DNM3: variants seen among roughly 807,000 people sequenced by gnomAD.
DNM3 encodes the protein dynamin 3.
In DNM3, 47 loss-of-function variants were observed where a neutral mutation model predicts 101.6. The ratio of observed to expected loss-of-function variants is 0.46; its 90% confidence interval spans 0.37 to 0.59. The LOEUF (loss-of-function observed/expected upper bound fraction) is 0.59, where lower values mean the gene tolerates loss of function less well. DNM3 is among the 20% of genes least tolerant of loss of function. The probability of loss-of-function intolerance (pLI) is 0.00; values close to 1 mark genes in which losing one functional copy is unlikely to be tolerated. For synonymous variants in DNM3, 385 were observed against 387.9 expected, an observed-to-expected ratio of 0.99 and a Z score of 0.09; for missense variants, 849 against 1,085.7, an observed-to-expected ratio of 0.78 and a Z score of 3.06.
chr1:172,049,160 C>A (rs1345199610), intron 10 of DNM3, among the ~76,000 whole-genome samples: 3 of 152,114 alleles, frequency 2.0e-5, no homozygotes, highest in Admixed American at 2.0e-4. Flanking sequence ...CCACTTGAGT[C>A]TGGCTGTTCT....
At chr1:172,019,720 G>C (rs549348983) in intron 4 of DNM3, among the ~76,000 whole-genome samples, 1 of 151,696 alleles carries the variant, frequency 6.6e-6, no homozygotes, top group East Asian at 1.9e-4. Flanking sequence ...CTCAAGCTTG[G>C]TGATTGTTTC....
chr1:172,287,629 A>G (rs1284019456), intron 15 of DNM3, among the ~76,000 whole-genome samples: 5 of 152,120 alleles, frequency 3.3e-5, no homozygotes, highest in African/African-American at 1.2e-4. Context: ...TCAAATATCA[A>G]ATCAACTGAG....
chr1:172,415,663 AG>A (rs1227761631), downstream of DNM3, among the ~76,000 whole-genome samples: 7 of 150,786 alleles, frequency 4.6e-5, no homozygotes, highest in African/African-American at 1.7e-4. Flanking sequence ...CCCAGTAGCT[AG>A]GATTACAGGC....
At chr1:172,145,345 T>TCC (rs1315327619) in intron 14 of DNM3, among the ~76,000 whole-genome samples, 5 of 150,342 alleles carry the variant, frequency 3.3e-5, no homozygotes, top group East Asian at 2.0e-4. Flanking sequence ...TCTCTCTCTC[T>TCC]CCCCCTCTTC....
At chr1:172,119,430 G>A (rs376840453) in intron 13 of DNM3, among the ~76,000 whole-genome samples, 16 of 151,592 alleles carry the variant, frequency 1.1e-4, no homozygotes, top group East Asian at 3.9e-4. Context: ...CAATCCTTTC[G>A]CCTTATTGAG....
At chr1:172,294,572 T>C (rs984181710) in intron 15 of DNM3, among the ~76,000 whole-genome samples, 1 of 152,144 alleles carries the variant, frequency 6.6e-6, no homozygotes, top group African/African-American at 2.4e-5. Context: ...CTACCAACTT[T>C]ACAGGATTGC....
At position 171,998,851 on chromosome 1, in the gene DNM3, G is replaced by A. The variant is rs117178514; in HGVS notation, c.589+9703G>A. Reference sequence around the variant, plus strand: ...GAAGAAGAGTGTTCCAGGCAAAGGGGACAGTAAGCACAAAGGAATGAGAGT... The same window carrying A: ...GAAGAAGAGTGTTCCAGGCAAAGGGAACAGTAAGCACAAAGGAATGAGAGT... On this transcript the variant is annotated intron_variant, in intron 4 of 20. Transcript: ENST00000627582. 3.4e-4 allele frequency among the ~76,000 whole-genome samples: 52 copies of A among 152,170 alleles called. No homozygotes were observed. The East Asian group carries it at 6.0e-3, about 18-fold the overall frequency.
At chr1:172,307,227 G>T (rs557585966) in intron 15 of DNM3, among the ~76,000 whole-genome samples, 4 of 152,284 alleles carry the variant, frequency 2.6e-5, no homozygotes, top group African/African-American at 9.6e-5. Context: ...CAAAGCATAT[G>T]AACAGATACT....
At chr1:172,116,801 A>C (rs894880050) in intron 13 of DNM3, among the ~76,000 whole-genome samples, 1 of 152,174 alleles carries the variant, frequency 6.6e-6, no homozygotes, top group African/African-American at 2.4e-5. Flanking sequence ...TATTGCAGGA[A>C]TTTCATAACT....
At chr1:172,346,478 G>A (rs2066946755) in intron 17 of DNM3, among the ~76,000 whole-genome samples, 1 of 152,064 alleles carries the variant, frequency 6.6e-6, no homozygotes, top group African/African-American at 2.4e-5. Flanking sequence ...TTTAAACATG[G>A]GATCATCTTT....
intron 14 of DNM3, among the ~76,000 whole-genome samples, chr1:172,160,090 A>T (rs1359035385): frequency 6.6e-6 from 1 of 151,988 alleles, no homozygotes; most frequent in African/African-American, 2.4e-5. Flanking sequence ...TACACCTGTA[A>T]AGGGCGTTTA....
intron 1 of DNM3, among the ~76,000 whole-genome samples, chr1:171,919,547 T>C (rs7518914): frequency 0.34 from 51,854 of 152,020 alleles, 9,185 homozygotes; most frequent in East Asian, 0.5. Flanking sequence ...CTCTGGAGTT[T>C]TGCTTTTTTC....
intron 14 of DNM3, among the ~76,000 whole-genome samples, chr1:172,249,549 C>T (rs754115311): frequency 2.6e-5 from 4 of 151,900 alleles, no homozygotes; most frequent in East Asian, 1.9e-4. Context: ...ATATTGCTGG[C>T]GACCCTCCTG....
intron 1 of DNM3, 138 bp downstream of exon 1, chr1:171,841,955 G>GTGGCA: frequency 9.1e-7 from 1 of 1,101,040 alleles, no homozygotes; most frequent in Non-Finnish European, 1.2e-6. Context: ...AGTGGAATGG[G>GTGGCA]GGGCAGAGTG....
At position 172,391,941 on chromosome 1, in the gene DNM3, T is replaced by C. The variant is rs117850838; in HGVS notation, c.2522+3132T>C. On this transcript the variant is annotated intron_variant, in intron 20 of 20. Coordinates refer to ENST00000627582, the MANE Select transcript of DNM3 (RefSeq NM_015569.5). ...ATAATTCACGACTTCATTAGCAAGTTATGATCTTGACTTTTAAGAGCATAT... is the reference window on the plus strand; with the variant it reads ...ATAATTCACGACTTCATTAGCAAGTCATGATCTTGACTTTTAAGAGCATAT... Among the ~76,000 whole-genome samples, 327 of 152,358 alleles carry C rather than the reference T, an allele frequency of 2.1e-3. 8 individuals carry two copies. The East Asian group carries it at 0.058, about 27-fold the overall frequency.
intron 4 of DNM3, among the ~76,000 whole-genome samples, chr1:171,992,036 C>T (rs1354945140): frequency 6.6e-6 from 1 of 152,198 alleles, no homozygotes; most frequent in East Asian, 1.9e-4. Context: ...GTCTCACATC[C>T]TCACAACTTC....
intron 4 of DNM3, among the ~76,000 whole-genome samples, chr1:172,025,109 T>C (rs1471743106): frequency 6.6e-6 from 1 of 152,172 alleles, no homozygotes; most frequent in Non-Finnish European, 1.5e-5. Flanking sequence ...GCTTGAGCTT[T>C]GTTTGGGGAG....
At chr1:172,285,264 A>G (rs955177028) in intron 15 of DNM3, among the ~76,000 whole-genome samples, 2 of 152,200 alleles carry the variant, frequency 1.3e-5, no homozygotes, top group African/African-American at 4.8e-5. Context: ...AGCCTCCCCA[A>G]ACGAATCACT....
chr1:171,873,835 TC>T (rs1159478805), intron 1 of DNM3, among the ~76,000 whole-genome samples: 1 of 152,244 alleles, frequency 6.6e-6, no homozygotes, highest in Non-Finnish European at 1.5e-5. Flanking sequence ...GATGATATTA[TC>T]AAATCCTTTT....
Sources: allele counts gnomAD v4.1 joint callset (sites outside exome capture counted in the v4.1 genomes callset), GRCh38; gene constraint gnomAD v4.1.1; transcripts MANE v1.5; gene names NCBI Gene and HGNC (gene_info 2026-07-23, HGNC 2026-07-21).